Variants in CDC25B observed in about 807,000 individuals in gnomAD.
CDC25B encodes the protein M-phase inducer phosphatase 2.
A neutral mutation model predicts 69.8 loss-of-function variants in CDC25B; 33 were observed. The observed-to-expected ratio is 0.47, with a 90% CI of 0.36 to 0.63. CDC25B has a LOEUF of 0.63. Among genes scored for constraint, CDC25B ranks in the 30% least tolerant of loss-of-function variants. The pLI is 0.00. For missense variants in CDC25B, 727 were observed against 809.1 expected, an observed-to-expected ratio of 0.90 and a Z score of 1.23; for synonymous variants, 341 against 314.6, an observed-to-expected ratio of 1.08 and a Z score of -0.89.
intron 1 of CDC25B, among the ~76,000 whole-genome samples, chr20:3,788,810 TTTCC>T (rs894675639): frequency 2.6e-5 from 4 of 151,670 alleles, no homozygotes; most frequent in Admixed American, 6.6e-5. Context: ...TCCTTCTTTC[TTTCC>T]TTCCTTCCTT....
chr20:3,797,000 A>G (rs1004172389), intron 1 of CDC25B, among the ~76,000 whole-genome samples: 33 of 151,890 alleles, frequency 2.2e-4, no homozygotes, highest in Admixed American at 2.0e-3. Context: ...CTCCTCCCTC[A>G]TTGTGCCTCC....
At chr20:3,789,560 AG>A (rs2088878581) in intron 1 of CDC25B, among the ~76,000 whole-genome samples, 1 of 152,110 alleles carries the variant, frequency 6.6e-6, no homozygotes. Context: ...TAGTACAGAC[AG>A]GGTTTCACCA....
Position 3,803,078 on chromosome 20 carries a change from G to T in CDC25B, c.1258-30G>T. 1 of 1,604,502 alleles carries T rather than the reference G, an allele frequency of 6.2e-7. No individual in the cohort carries two copies. Among genetic ancestry groups the T allele is most frequent in the Non-Finnish European group, 8.5e-7 (1 of 1,171,396 alleles). ...CACCTGCCAGCTGCCAGCCTGACCT[G>T]CCGGAACCAACCCCCATGACCTCCT... is the stretch of plus-strand genomic sequence containing the variant. On this transcript the variant is annotated intron_variant, in intron 12 of 15. Transcript: ENST00000245960. This position sits in a 1 kb window ranked among gnomAD's most constrained non-coding sequence, Gnocchi z 4.9.
intron 14 of CDC25B, among the ~76,000 whole-genome samples, chr20:3,804,349 C>T (rs552399895): frequency 1.8e-4 from 27 of 152,332 alleles, no homozygotes; most frequent in African/African-American, 4.3e-4. Flanking sequence ...CTTCTAGAAA[C>T]GGAGAGTTCA....
chr20:3,795,998 C>CG, upstream of CDC25B: 2 of 989,786 alleles, frequency 2.0e-6, no homozygotes, highest in Non-Finnish European at 2.4e-6. Context: ...CGACATGCCG[C>CG]GGGGGGTCCT....
chr20:3,805,321 G>A lies in CDC25B; in HGVS notation c.*360G>A, dbSNP rs568909554. ...TTTGTGTGTGTGTCAGCTGAGGCTGGGGGAGAGCCGTGGTCCCTGAGGATG... is the reference window on the plus strand; with the variant it reads ...TTTGTGTGTGTGTCAGCTGAGGCTGAGGGAGAGCCGTGGTCCCTGAGGATG... On this transcript the variant is annotated 3_prime_UTR_variant, in exon 16 of 16. Transcript: ENST00000245960. 32 of 321,246 alleles carry A rather than the reference G, an allele frequency of 1.0e-4. No individual in the cohort carries two copies. Among genetic ancestry groups the A allele is most frequent in the African/African-American group, 6.4e-4 (31 of 48,110 alleles). 19.9% of individuals were successfully genotyped at this position (321,246 alleles called of 1,614,324 possible). A position where few individuals can be genotyped will look rare whatever the true frequency, so the allele number is the denominator to read the frequency against.
At position 3,803,391 on chromosome 20, in the gene CDC25B, G is replaced by A; in HGVS notation, c.1357-13G>A. On this transcript the variant is annotated splice_polypyrimidine_tract_variant and intron_variant, in intron 13 of 15. Coordinates refer to ENST00000245960, the MANE Select transcript of CDC25B (RefSeq NM_021873.4). This position sits in a 1 kb window ranked among gnomAD's most constrained non-coding sequence, Gnocchi z 4.9. ...GACCCGGGGCTGTGCCTGACCTCTG[G>A]CTCCTCTGACAGACTGCGGTGAACT... The A allele has an allele frequency of 1.2e-6, 2 of 1,614,028 alleles. No individual in the cohort carries two copies. Among genetic ancestry groups the A allele is most frequent in the Non-Finnish European group, 1.7e-6 (2 of 1,179,970 alleles).
chr20:3,793,234 G>T (rs529045091), upstream of CDC25B, among the ~76,000 whole-genome samples: 35 of 152,284 alleles, frequency 2.3e-4, no homozygotes, highest in African/African-American at 8.2e-4. Context: ...GAGGTGGGTG[G>T]ATCACCTGAG....
upstream of CDC25B, among the ~76,000 whole-genome samples, chr20:3,795,300 G>A (rs527305577): frequency 6.6e-6 from 1 of 152,100 alleles, no homozygotes; most frequent in South Asian, 2.1e-4. Flanking sequence ...GGCGGAGGTT[G>A]TAGTGAGCAG....
intron 11 of CDC25B, chr20:3,802,695 C>T: frequency 1.6e-6 from 1 of 610,526 alleles, no homozygotes; most frequent in Non-Finnish European, 2.9e-6. Context: ...TCATCTCTTC[C>T]ACTTCCCTTT....
intron 15 of CDC25B, 24 bp from the exon 16 acceptor site, chr20:3,804,797 T>C (rs11570018): frequency 3.7e-6 from 6 of 1,613,722 alleles, no homozygotes; most frequent in African/African-American, 1.3e-5. Context: ...TTCCACTGCA[T>C]TGACCCCTCC....
rs571020625 is a variant in CDC25B at position 3,800,781 on chromosome 20, C to A, written c.498C>A (p.Ile166=). The part of the protein sequence containing the change: ...LLGHSPVLRN[I]TNSQAPDGRR... ...GCCACAGCCCCGTGCTTCGGAACATCACCAACTCCCAGGCGCCCGACGGCC... is the reference window on the plus strand; with the variant it reads ...GCCACAGCCCCGTGCTTCGGAACATAACCAACTCCCAGGCGCCCGACGGCC... The change falls in exon 6 of 16, where the codon ATC becomes ATA. Residue 166 remains isoleucine (I), a synonymous_variant. Coordinates refer to ENST00000245960, the MANE Select transcript of CDC25B (RefSeq NM_021873.4). 7.4e-6 allele frequency: 12 copies of A among 1,612,068 alleles called. 1 individual carries two copies. In the Middle Eastern group the frequency reaches 6.6e-4, roughly 89 times the overall value.
rs1600412048 is a variant in CDC25B at position 3,805,544 on chromosome 20, A to G, written c.*583A>G. On this transcript the variant is annotated 3_prime_UTR_variant, in exon 16 of 16. Transcript: ENST00000245960. ...TCTTACTCTTTCCTATTTCAGTGTT[A>G]CCTGTGTGCTTGGTCTGTTTGACTT... The G allele has an allele frequency of 9.6e-5, 37 of 385,284 alleles. No homozygotes were observed. The East Asian group carries it at 1.4e-3, about 14-fold the overall frequency. The allele number at this position is 385,284 out of a possible 1,614,324, so 23.9% of individuals were successfully genotyped here.
In CDC25B at chr20:3,797,646, G is replaced by A; in HGVS notation, c.225G>A (p.Gly75=). The change falls in exon 2 of 16, where the codon GGG becomes GGA. Residue 75 remains glycine (G), a synonymous_variant. Coordinates refer to ENST00000245960, the MANE Select transcript of CDC25B (RefSeq NM_021873.4). ...LGSETPKSQV[G]TLLFRSRSRL... is the part of the protein sequence containing the mutation. ...GCGAAACCCCAAAGAGTCAGGTAGG[G>A]ACCCTGCTCTTCCGCAGCCGCAGCC... 6.2e-7 allele frequency: 1 copy of A among 1,614,080 alleles called. No individual in the cohort carries two copies. The highest frequency in any genetic ancestry group is 8.5e-7 in the Non-Finnish European group (1 of 1,180,020).
chr20:3,796,192 T>G, upstream of CDC25B: 5 of 1,181,322 alleles, frequency 4.2e-6, no homozygotes, highest in Non-Finnish European at 5.2e-6. Flanking sequence ...CCTCTTGCCC[T>G]GCGGGCCCCG....
In CDC25B at chr20:3,802,055, GCGGAGCGTGACC is replaced by G. The variant is rs1176562900; in HGVS notation, c.1055_1066del (p.Arg352_Thr355del). Reference sequence around the variant, plus strand: ...ACACGCCCGTGCAGAATAAGCGGAGGCGGAGCGTGACCCCTCCTGAGGAGCAGCAGGAGGCTG... The same window carrying G: ...ACACGCCCGTGCAGAATAAGCGGAGGCCTCCTGAGGAGCAGCAGGAGGCTG... On this transcript the variant is annotated inframe_deletion, in exon 10 of 16. Coordinates refer to ENST00000245960, the MANE Select transcript of CDC25B (RefSeq NM_021873.4). 17 of 1,566,274 alleles carry G rather than the reference GCGGAGCGTGACC, an allele frequency of 1.1e-5. No individual in the cohort carries two copies. The highest frequency in any genetic ancestry group is 1.4e-5 in the Non-Finnish European group (16 of 1,155,658).
Position 3,805,617 on chromosome 20 carries a change from A to C in CDC25B, c.*656A>C. 1 of 398,228 alleles carries C rather than the reference A, an allele frequency of 2.5e-6. No homozygotes were observed. Among genetic ancestry groups the C allele is most frequent in the Non-Finnish European group, 4.4e-6 (1 of 226,064 alleles). 24.7% of individuals were successfully genotyped at this position (398,228 alleles called of 1,614,324 possible). A position where few individuals can be genotyped will look rare whatever the true frequency, so the allele number is the denominator to read the frequency against. On this transcript the variant is annotated 3_prime_UTR_variant, in exon 16 of 16. Coordinates refer to ENST00000245960, the MANE Select transcript of CDC25B (RefSeq NM_021873.4). ...CGTAGACTGTTTAGGTTCCCCTGTC[A>C]AATATCAGTTACCCACTCGGTCCCA...
chr20:3,802,613 T>C, intron 11 of CDC25B: 1 of 600,154 alleles, frequency 1.7e-6, no homozygotes, highest in East Asian at 2.7e-5. Context: ...ATTTCCAAGC[T>C]CATACCTAGC....
intron 1 of CDC25B, among the ~76,000 whole-genome samples, chr20:3,796,996 C>T (rs150420295): frequency 1.1e-4 from 16 of 152,306 alleles, no homozygotes; most frequent in Non-Finnish European, 1.9e-4. Flanking sequence ...CTCCCTCCTC[C>T]CTCATTGTGC....
Sources: allele counts gnomAD v4.1 joint callset (sites outside exome capture counted in the v4.1 genomes callset), GRCh38; gene constraint gnomAD v4.1.1; non-coding constraint Gnocchi (gnomAD v3.1); transcripts MANE v1.5; gene names NCBI Gene and HGNC (gene_info 2026-07-23, HGNC 2026-07-21).